The following CTIF variants were observed in gnomAD, a reference collection of about 807,000 sequenced individuals.
CTIF encodes the protein cap binding complex dependent translation initiation factor.
In CTIF, 21 loss-of-function variants were observed where a neutral mutation model predicts 66.0. That is an observed-to-expected ratio of 0.32 (90% CI 0.23 to 0.46). The LOEUF is 0.46. CTIF is among the 20% of genes least tolerant of loss of function. The pLI is 1.00. For synonymous variants in CTIF, 345 were observed against 326.4 expected (o/e 1.06, Z -0.62); for missense variants, 739 against 812.7 (o/e 0.91, Z 1.10).
At chr18:48,827,141 G>A (rs1410485658) in intron 10 of CTIF, among the ~76,000 whole-genome samples, 9 of 152,220 alleles carry the variant, frequency 5.9e-5, no homozygotes, top group African/African-American at 2.2e-4. Flanking sequence ...TCTAGTGAAT[G>A]CAGGATGACT....
chr18:48,760,019 C>T (rs117231764), intron 8 of CTIF, among the ~76,000 whole-genome samples: 5,041 of 152,242 alleles, frequency 0.033, 96 homozygotes, highest in Non-Finnish European at 0.041. Context: ...CAACACTTTC[C>T]TTCTCTCTTT....
At chr18:48,590,085 T>C (rs769819853) in intron 1 of CTIF, among the ~76,000 whole-genome samples, 6 of 152,206 alleles carry the variant, frequency 3.9e-5, no homozygotes, top group Non-Finnish European at 7.3e-5. Context: ...CCTTTGCCCA[T>C]GTGCAGAGTT....
chr18:48,845,289 G>A (rs1271939019), intron 10 of CTIF, among the ~76,000 whole-genome samples: 2 of 152,180 alleles, frequency 1.3e-5, no homozygotes, highest in African/African-American at 4.8e-5. Context: ...CCCAGCCCAG[G>A]CTTCCACTGC....
intron 10 of CTIF, among the ~76,000 whole-genome samples, chr18:48,847,851 T>C (rs2069114219): frequency 6.6e-6 from 1 of 152,238 alleles, no homozygotes. Context: ...TTTTTGATGA[T>C]AGCCTTTCTT....
Position 48,691,629 on chromosome 18 carries a change from T to C in CTIF, c.508-19990T>C, listed in dbSNP as rs1335398162. Among the ~76,000 whole-genome samples the C allele has an allele frequency of 5.9e-5, 9 of 152,310 alleles. No individual in the cohort carries two copies. The South Asian group carries it at 1.0e-3, about 18-fold the overall frequency. ...GGTGCTCATGTCCCCAGTCCTTGTCTGGTCTTCCTGTCTCCCCACTCCTTC... is the reference window on the plus strand; with the variant it reads ...GGTGCTCATGTCCCCAGTCCTTGTCCGGTCTTCCTGTCTCCCCACTCCTTC... On this transcript the variant is annotated intron_variant, in intron 6 of 11. Coordinates refer to ENST00000256413, the MANE Select transcript of CTIF (RefSeq NM_014772.3).
chr18:48,728,038 G>A (rs1478287485), intron 7 of CTIF, among the ~76,000 whole-genome samples: 1 of 152,162 alleles, frequency 6.6e-6, no homozygotes, highest in African/African-American at 2.4e-5. Flanking sequence ...AGCCCCTGCA[G>A]GACCCTGGCT....
intron 7 of CTIF, among the ~76,000 whole-genome samples, chr18:48,726,782 G>A (rs1482349098): frequency 6.6e-6 from 1 of 152,094 alleles, no homozygotes; most frequent in African/African-American, 2.4e-5. Context: ...CAGTGTGGGA[G>A]GGGACTTTAC....
intron 9 of CTIF, among the ~76,000 whole-genome samples, chr18:48,807,826 C>A (rs1028059433): frequency 6.6e-6 from 1 of 152,144 alleles, no homozygotes. Context: ...AGATGATCTG[C>A]CCATCTCAGC....
intron 6 of CTIF, among the ~76,000 whole-genome samples, chr18:48,687,749 G>T (rs1001711817): frequency 6.6e-6 from 1 of 152,192 alleles, no homozygotes; most frequent in Non-Finnish European, 1.5e-5. Flanking sequence ...GCAAAGGTGA[G>T]CCTGAAAGCA....
intron 10 of CTIF, among the ~76,000 whole-genome samples, chr18:48,855,015 CGGAGCTGCATTTCCACCGCCCT>C (rs1293820832): frequency 2.6e-5 from 4 of 152,152 alleles, no homozygotes; most frequent in East Asian, 1.9e-4. Context: ...TCCACCGCCC[CGGAGCTGCATTTCCACCGCCCT>C]GGAGCAGGGC....
rs542777612 is a variant in CTIF, at chr18:48,667,468, G to A, written c.431+2917G>A. Among the ~76,000 whole-genome samples the A allele has an allele frequency of 1.4e-4, 22 of 152,274 alleles. No individual in the cohort carries two copies. In the South Asian group the frequency reaches 4.6e-3, roughly 32 times the overall value. ...GCACATAGCTGGTGACGTCAGTGGG[G>A]ACACTGAGGCCTGGGGAGATCGAAG... On this transcript the variant is annotated intron_variant, in intron 5 of 11. Transcript: ENST00000256413.
chr18:48,842,353 G>A (rs567902061), intron 10 of CTIF, among the ~76,000 whole-genome samples: 171 of 152,312 alleles, frequency 1.1e-3, no homozygotes, highest in African/African-American at 3.3e-3. Flanking sequence ...GAGGCAGGAG[G>A]CCTGGTGAGT....
At chr18:48,832,940 G>T (rs1050981209) in intron 10 of CTIF, among the ~76,000 whole-genome samples, 5 of 152,212 alleles carry the variant, frequency 3.3e-5, no homozygotes, top group South Asian at 2.1e-4. Context: ...AGTCTGGGGG[G>T]CGGAGGTGGT....
At chr18:48,636,103 A>C (rs1463464128) in intron 2 of CTIF, among the ~76,000 whole-genome samples, 3 of 152,154 alleles carry the variant, frequency 2.0e-5, no homozygotes, top group Admixed American at 2.0e-4. Flanking sequence ...AGGGGATGTG[A>C]GTGGCAGGGC....
chr18:48,688,775 T>C (rs918820450), intron 6 of CTIF, among the ~76,000 whole-genome samples: 1 of 152,220 alleles, frequency 6.6e-6, no homozygotes, highest in Admixed American at 6.5e-5. Context: ...TGTTTAATAA[T>C]GTATTCTAGA....
At chr18:48,644,327 A>G (rs1220874420) in intron 3 of CTIF, among the ~76,000 whole-genome samples, 1 of 152,182 alleles carries the variant, frequency 6.6e-6, no homozygotes, top group Non-Finnish European at 1.5e-5. Flanking sequence ...TGGAGGGTAG[A>G]GTGGAGAGAA....
intron 11 of CTIF, among the ~76,000 whole-genome samples, chr18:48,858,410 G>A (rs1375616745): frequency 1.3e-5 from 2 of 152,252 alleles, no homozygotes; most frequent in Non-Finnish European, 2.9e-5. Flanking sequence ...GGGAATTAGG[G>A]AGAAGGAGAA....
chr18:48,576,094 T>C (rs2089524994), intron 1 of CTIF, among the ~76,000 whole-genome samples: 2 of 152,230 alleles, frequency 1.3e-5, no homozygotes, highest in Non-Finnish European at 2.9e-5. Flanking sequence ...CAGCGGCGCC[T>C]GTGTACAGAG....
intron 7 of CTIF, among the ~76,000 whole-genome samples, chr18:48,724,286 C>T (rs2092366711): frequency 6.6e-6 from 1 of 152,176 alleles, no homozygotes; most frequent in African/African-American, 2.4e-5. Flanking sequence ...TCAAATAGGC[C>T]TTTGGAATCC....
Sources: allele counts gnomAD v4.1 joint callset (sites outside exome capture counted in the v4.1 genomes callset), GRCh38; gene constraint gnomAD v4.1.1; transcripts MANE v1.5; gene names NCBI Gene and HGNC (gene_info 2026-07-23, HGNC 2026-07-21).